TCF12: variants seen among roughly 807,000 people sequenced by gnomAD.
TCF12 encodes transcription factor 12, also known as DNA-binding protein HTF4.
A neutral mutation model predicts 86.0 loss-of-function variants in TCF12; 45 were observed. The observed-to-expected ratio is 0.52, with a 90% confidence interval of 0.41 to 0.67. The LOEUF (loss-of-function observed/expected upper bound fraction) is 0.67, where lower values mean the gene tolerates loss of function less well. Among genes scored for constraint, TCF12 ranks in the 30% least tolerant of loss-of-function variants. The probability of loss-of-function intolerance (pLI) is 0.00; values close to 1 mark genes in which losing one functional copy is unlikely to be tolerated. For missense variants in TCF12, 881 were observed against 859.9 expected, an observed-to-expected ratio of 1.02 and a Z score of -0.31; for synonymous variants, 330 against 299.6, an observed-to-expected ratio of 1.10 and a Z score of -1.05.
intron 8 of TCF12, among the ~76,000 whole-genome samples, chr15:57,208,053 A>C (rs1406751322): frequency 6.7e-6 from 1 of 150,272 alleles, no homozygotes; most frequent in East Asian, 1.9e-4. Context: ...TTTTTTTTAA[A>C]GACAGAGTAT....
intron 5 of TCF12, among the ~76,000 whole-genome samples, chr15:57,109,780 G>A (rs1350958755): frequency 1.3e-5 from 2 of 152,132 alleles, no homozygotes. Flanking sequence ...AATGTCATTA[G>A]ATATTCTTAT....
intron 4 of TCF12, among the ~76,000 whole-genome samples, chr15:57,079,892 G>A (rs2070476726): frequency 6.6e-6 from 1 of 152,116 alleles, no homozygotes; most frequent in African/African-American, 2.4e-5. Context: ...AATCTATAAA[G>A]TATTAACATA....
chr15:57,052,345 A>G (rs1319664314), intron 3 of TCF12, among the ~76,000 whole-genome samples: 1 of 152,150 alleles, frequency 6.6e-6, no homozygotes. Flanking sequence ...ACATAAGTGG[A>G]TAAGTAAAAA....
At chr15:57,246,352 A>T (rs1396755921) in intron 13 of TCF12, among the ~76,000 whole-genome samples, 1 of 152,150 alleles carries the variant, frequency 6.6e-6, no homozygotes, top group African/African-American at 2.4e-5. Flanking sequence ...AGGTTCTGAG[A>T]TATTGTATCA....
At chr15:57,200,010 TA>T (rs1390860707) in intron 8 of TCF12, among the ~76,000 whole-genome samples, 7 of 150,866 alleles carry the variant, frequency 4.6e-5, no homozygotes, top group Non-Finnish European at 5.9e-5. Flanking sequence ...TCCTCCCAAG[TA>T]GCTGGGACTA....
At chr15:57,119,974 C>CCTA (rs1282186074) in intron 5 of TCF12, among the ~76,000 whole-genome samples, 1 of 152,186 alleles carries the variant, frequency 6.6e-6, no homozygotes, top group African/African-American at 2.4e-5. Flanking sequence ...AGTCTTAGGT[C>CCTA]CTACTACTAT....
intron 4 of TCF12, among the ~76,000 whole-genome samples, chr15:57,082,246 C>T (rs942105350): frequency 1.3e-5 from 2 of 152,268 alleles, no homozygotes; most frequent in African/African-American, 2.4e-5. Context: ...TGTATTATTA[C>T]GGCCATGGGT....
chr15:57,148,701 CAAAA>C (rs61526953), intron 5 of TCF12, among the ~76,000 whole-genome samples: 1,608 of 124,336 alleles, frequency 0.013, 30 homozygotes, highest in African/African-American at 0.042. Flanking sequence ...GGTGACGTGG[CAAAA>C]AAAAAAAAAA....
chr15:57,164,176 C>G (rs948898568), intron 5 of TCF12, among the ~76,000 whole-genome samples: 1 of 152,180 alleles, frequency 6.6e-6, no homozygotes, highest in Admixed American at 6.6e-5. Context: ...GAGTACCCTA[C>G]TGTTAATTGT....
At chr15:57,284,383 T>G (rs1192752666) in intron 20 of TCF12, among the ~76,000 whole-genome samples, 1 of 152,142 alleles carries the variant, frequency 6.6e-6, no homozygotes, top group Admixed American at 6.5e-5. Flanking sequence ...AATTTTTTTG[T>G]ATTTTTAGTA....
At chr15:57,273,993 A>G (rs990721389) in intron 19 of TCF12, among the ~76,000 whole-genome samples, 5 of 152,186 alleles carry the variant, frequency 3.3e-5, no homozygotes, top group African/African-American at 1.2e-4. Flanking sequence ...GTTATCAAAT[A>G]ATAGAAGCTT....
At chr15:57,015,182 G>A (rs139880229) in intron 3 of TCF12, among the ~76,000 whole-genome samples, 14 of 152,226 alleles carry the variant, frequency 9.2e-5, no homozygotes, top group Admixed American at 9.2e-4. Flanking sequence ...TGGCTACTCA[G>A]GAGGCTGAGG....
intron 5 of TCF12, among the ~76,000 whole-genome samples, chr15:57,146,110 A>G (rs2053343599): frequency 2.0e-5 from 3 of 152,150 alleles, no homozygotes; most frequent in South Asian, 4.1e-4. Context: ...TTGTTATTAC[A>G]TATACCCTTT....
chr15:56,942,368 C>G (rs959142253), intron 3 of TCF12, among the ~76,000 whole-genome samples: 7 of 152,066 alleles, frequency 4.6e-5, no homozygotes, highest in Non-Finnish European at 8.8e-5. Context: ...TAATAATAAT[C>G]TGACTGTTTT....
intron 5 of TCF12, among the ~76,000 whole-genome samples, chr15:57,109,592 GTTAGCCATTAACTGAA>G (rs1298862788): frequency 2.6e-5 from 4 of 152,064 alleles, no homozygotes; most frequent in Non-Finnish European, 5.9e-5. Context: ...TGTGGCCTAG[GTTAGCCATTAACTGAA>G]TTAGTTCAGA....
At chr15:56,932,254 T>G (rs2060278860) in intron 3 of TCF12, among the ~76,000 whole-genome samples, 1 of 152,192 alleles carries the variant, frequency 6.6e-6, no homozygotes, top group Admixed American at 6.5e-5. Context: ...TTCATAACTC[T>G]TGTAGGAAGT....
chr15:56,924,871 A>C (rs2059935278), intron 3 of TCF12, among the ~76,000 whole-genome samples: 1 of 152,222 alleles, frequency 6.6e-6, no homozygotes, highest in African/African-American at 2.4e-5. Flanking sequence ...TACAACCATG[A>C]GTATTGTATA....
chr15:56,956,482 G>A (rs1410111476), intron 3 of TCF12, among the ~76,000 whole-genome samples: 2 of 151,864 alleles, frequency 1.3e-5, no homozygotes, highest in Non-Finnish European at 2.9e-5. Flanking sequence ...CCATTCCATT[G>A]CTCCTCTTAT....
chr15:57,233,892 T>C, intron 11 of TCF12, 151 bp from the exon 12 acceptor site: 1 of 605,168 alleles, frequency 1.7e-6, no homozygotes, highest in South Asian at 2.0e-5. Context: ...ATCTTTAGTT[T>C]ATTAATAAGT....
Sources: gnomAD v4.1 joint callset for allele counts (sites outside exome capture counted in the v4.1 genomes callset) on GRCh38, gnomAD v4.1.1 for gene constraint, MANE v1.5 for transcripts, NCBI Gene and HGNC (gene_info 2026-07-23, HGNC 2026-07-21) for gene names.